CNBD2: variants seen among roughly 807,000 people sequenced by gnomAD.
CNBD2 encodes cyclic nucleotide binding domain containing 2, also known as cyclic nucleotide-binding domain-containing protein 2.
In CNBD2, 64 loss-of-function variants were observed where a neutral mutation model predicts 63.7. The ratio of observed to expected loss-of-function variants is 1.00; its 90% CI spans 0.82 to 1.24. The LOEUF (loss-of-function observed/expected upper bound fraction) is 1.24, where lower values mean the gene tolerates loss of function less well. CNBD2 is among the 50% of genes most tolerant of loss of function. The pLI is 0.00. For synonymous variants in CNBD2, 229 were observed against 255.4 expected (o/e 0.90, Z 0.99); for missense variants, 691 against 713.5 (o/e 0.97, Z 0.36).
chr20:35,997,696 T>C (rs2056843759), intron 8 of CNBD2, among the ~76,000 whole-genome samples: 2 of 152,180 alleles, frequency 1.3e-5, no homozygotes, highest in African/African-American at 4.8e-5. Context: ...GAACACTACC[T>C]GGCTGCATAG....
chr20:35,997,123 C>T (rs1245599530), intron 8 of CNBD2, among the ~76,000 whole-genome samples: 1 of 152,104 alleles, frequency 6.6e-6, no homozygotes, highest in Non-Finnish European at 1.5e-5. Flanking sequence ...TTTTCCCCTT[C>T]CATCCTCTGC....
chr20:36,026,944 C>A (rs1255528965), intron 11 of CNBD2, among the ~76,000 whole-genome samples: 1 of 152,236 alleles, frequency 6.6e-6, no homozygotes, highest in Non-Finnish European at 1.5e-5. Flanking sequence ...GTCTCTAGCA[C>A]CTGTACAGTG....
intron 10 of CNBD2, among the ~76,000 whole-genome samples, chr20:36,021,171 G>A (rs2057202546): frequency 6.6e-6 from 1 of 152,200 alleles, no homozygotes; most frequent in South Asian, 2.1e-4. Flanking sequence ...TCCGTTAACA[G>A]ATGAATGGAT....
In CNBD2 at chr20:35,974,211, G is replaced by A. The variant is rs1241331611; in HGVS notation, c.189+1445G>A. 6 of 153,820 alleles carry A rather than the reference G, an allele frequency of 3.9e-5. No individual in the cohort carries two copies. In the East Asian group the frequency reaches 1.2e-3, roughly 30 times the overall value. The allele number at this position is 153,820 out of a possible 1,614,324, so 9.5% of individuals were successfully genotyped here. On this transcript the variant is annotated intron_variant, in intron 2 of 11. Transcript: ENST00000373973. Reference sequence around the variant, plus strand: ...ATATTATATTTTAAGACCCTGTGCTGGCCAAACCAAACAAGGCTGCAGCCC... The same window carrying A: ...ATATTATATTTTAAGACCCTGTGCTAGCCAAACCAAACAAGGCTGCAGCCC...
chr20:36,020,647 C>A (rs1232174999), intron 10 of CNBD2, among the ~76,000 whole-genome samples: 3 of 152,070 alleles, frequency 2.0e-5, no homozygotes, highest in Non-Finnish European at 4.4e-5. Flanking sequence ...TGAGGATAAC[C>A]CCCACATGCT....
downstream of CNBD2, among the ~76,000 whole-genome samples, chr20:35,958,525 G>C (rs2056279672): frequency 6.6e-6 from 1 of 152,188 alleles, no homozygotes; most frequent in African/African-American, 2.4e-5. Flanking sequence ...CCTTCAGTCA[G>C]TTTTCCCTAA....
chr20:36,008,882 G>GA (rs1278199175), intron 9 of CNBD2, among the ~76,000 whole-genome samples: 3 of 151,686 alleles, frequency 2.0e-5, no homozygotes, highest in Non-Finnish European at 4.4e-5. Flanking sequence ...TTGGAATTAA[G>GA]CCTGGCTTGG....
intron 10 of CNBD2, among the ~76,000 whole-genome samples, chr20:36,019,314 C>T (rs1339013491): frequency 6.6e-6 from 1 of 151,754 alleles, no homozygotes; most frequent in African/African-American, 2.4e-5. Context: ...TGGCTGAGGC[C>T]AGGATTTCGA....
At chr20:35,969,791 C>T (rs1238033198) in intron 1 of CNBD2, among the ~76,000 whole-genome samples, 3 of 152,160 alleles carry the variant, frequency 2.0e-5, no homozygotes. Flanking sequence ...TCCCCTTGTA[C>T]ATGTATGTTT....
upstream of CNBD2, among the ~76,000 whole-genome samples, chr20:35,966,557 T>A (rs1369712813): frequency 1.3e-5 from 2 of 152,244 alleles, no homozygotes; most frequent in Non-Finnish European, 2.9e-5. Flanking sequence ...TTTTTCTATA[T>A]CTTTAGAAGG....
intron 10 of CNBD2, among the ~76,000 whole-genome samples, chr20:36,017,058 CAAAA>C (rs35383989): frequency 0.023 from 2,397 of 105,424 alleles, 58 homozygotes; most frequent in African/African-American, 0.067. Flanking sequence ...GAGCCTGTCT[CAAAA>C]AAAAAAAAAA....
intron 11 of CNBD2, among the ~76,000 whole-genome samples, chr20:36,024,593 C>T (rs1228201597): frequency 1.3e-5 from 2 of 151,738 alleles, no homozygotes; most frequent in African/African-American, 4.8e-5. Context: ...TACACCATTG[C>T]ACTCCAGCCT....
chr20:36,008,353 G>A lies in CNBD2; in HGVS notation c.1027G>A (p.Asp343Asn). The A allele has an allele frequency of 6.2e-7, 1 of 1,613,982 alleles. No homozygotes were observed. The highest frequency in any genetic ancestry group is 1.1e-5 in the South Asian group (1 of 91,074). ...CCAGATCAAATCATATCCTCTGCAA[G>A]ACTTTAGCTCCTTGAAACTTCCACA... ...EFQIKSYPLQ[D>N]FSSLKLPHLK... is the part of the protein sequence containing the mutation. The change falls in exon 9 of 12, where the codon GAC (aspartate) becomes AAC (asparagine). Residue 343 changes from aspartate to asparagine, a missense_variant. Coordinates refer to ENST00000373973, the MANE Select transcript of CNBD2 (RefSeq NM_001365709.1).
intron 10 of CNBD2, among the ~76,000 whole-genome samples, chr20:36,020,707 T>G (rs1214252837): frequency 5.3e-5 from 8 of 152,062 alleles, no homozygotes; most frequent in African/African-American, 1.9e-4. Flanking sequence ...CTCTCCAGAG[T>G]AGGAGCTGGC....
At chr20:36,010,442 C>G in intron 9 of CNBD2, among the ~76,000 whole-genome samples, 1 of 129,376 alleles carries the variant, frequency 7.7e-6, no homozygotes, top group Non-Finnish European at 1.6e-5. Flanking sequence ...AAAACTCTGT[C>G]TCAAAAAAAA....
intron 1 of CNBD2, among the ~76,000 whole-genome samples, chr20:35,969,934 A>G (rs1184131187): frequency 6.6e-6 from 1 of 152,250 alleles, no homozygotes; most frequent in Non-Finnish European, 1.5e-5. Flanking sequence ...TGATAAGTGC[A>G]AAATAGTATC....
At chr20:36,011,977 G>A (rs2057067689) in intron 10 of CNBD2, among the ~76,000 whole-genome samples, 1 of 152,002 alleles carries the variant, frequency 6.6e-6, no homozygotes, top group Non-Finnish European at 1.5e-5. Context: ...GGCCAACATG[G>A]TGAAATTCCA....
chr20:35,968,323 G>T (rs1251719760), upstream of CNBD2, among the ~76,000 whole-genome samples: 1 of 151,964 alleles, frequency 6.6e-6, no homozygotes, highest in African/African-American at 2.4e-5. Flanking sequence ...GAGGGATGGG[G>T]ACAGCTAGGG....
upstream of CNBD2, among the ~76,000 whole-genome samples, chr20:35,963,607 C>T (rs373806700): frequency 6.6e-6 from 1 of 151,742 alleles, no homozygotes; most frequent in African/African-American, 2.4e-5. Flanking sequence ...TGCCACTGCA[C>T]TCCAGCCTGG....
Sources: allele counts gnomAD v4.1 joint callset (sites outside exome capture counted in the v4.1 genomes callset), GRCh38; gene constraint gnomAD v4.1.1; transcripts MANE v1.5; gene names NCBI Gene and HGNC (gene_info 2026-07-23, HGNC 2026-07-21).